RIMBP2: variants seen among roughly 807,000 people sequenced by gnomAD.
RIMBP2 encodes the protein RIMS-binding protein 2.
A neutral mutation model predicts 118.6 loss-of-function variants in RIMBP2; 48 were observed. The ratio of observed to expected loss-of-function variants is 0.40; its 90% CI spans 0.32 to 0.51. The LOEUF (loss-of-function observed/expected upper bound fraction) is 0.51, where lower values mean the gene tolerates loss of function less well. RIMBP2 is among the 20% of genes least tolerant of loss of function. The pLI, the probability that RIMBP2 is intolerant of heterozygous loss-of-function variation, is 0.41. For missense variants in RIMBP2, 1,551 were observed against 1,768.3 expected (o/e 0.88, Z 2.20); for synonymous variants, 762 against 742.9 (o/e 1.03, Z -0.42).
At position 130,523,691 on chromosome 12, in the gene RIMBP2, A is replaced by G. The variant is rs2052429024; in HGVS notation, c.-216-5774T>C. 6.6e-6 allele frequency among the ~76,000 whole-genome samples: 1 copy of G among 152,164 alleles called. No individual in the cohort carries two copies. The highest frequency in any genetic ancestry group is 2.1e-4 in the South Asian group (1 of 4,830). On this transcript the variant is annotated intron_variant, in intron 2 of 22. Transcript: ENST00000690449. This position sits in a 1 kb window ranked among gnomAD's most constrained non-coding sequence, Gnocchi z 4.4. ...TTTCAATAATCCCTCCACCACCACC[A>G]CTGAGTGTGTATGTGTCAGTACCGG...
intron 21 of RIMBP2, among the ~76,000 whole-genome samples, chr12:130,402,375 T>G (rs535144933): frequency 6.6e-6 from 1 of 152,246 alleles, no homozygotes; most frequent in Admixed American, 6.5e-5. Context: ...TCTGTCCCTC[T>G]GACTGGCAGT....
At chr12:130,404,351 G>A (rs1411277863) in intron 21 of RIMBP2, among the ~76,000 whole-genome samples, 2 of 152,274 alleles carry the variant, frequency 1.3e-5, no homozygotes, top group African/African-American at 2.4e-5. Flanking sequence ...AGGCTGGAGT[G>A]CAATGGCATG....
In RIMBP2 at chr12:130,467,462, A is replaced by T. The variant is rs185923357; in HGVS notation, c.153+3231T>A. ...GACAGCTTCGACCCCCTATGATTTC[A>T]TCTCCAACCCAGCCAATCAGCACTC... On this transcript the variant is annotated intron_variant, in intron 6 of 22. Transcript: ENST00000690449. Among the ~76,000 whole-genome samples the T allele has an allele frequency of 2.2e-4, 34 of 152,286 alleles. No individual in the cohort carries two copies. The East Asian group carries it at 5.8e-3, about 26-fold the overall frequency.
intron 1 of RIMBP2, among the ~76,000 whole-genome samples, chr12:130,702,162 A>T (rs2065884875): frequency 6.6e-6 from 1 of 152,054 alleles, no homozygotes; most frequent in South Asian, 2.1e-4. Context: ...CTCTAGCTGA[A>T]CCCTTAGCAA....
At chr12:130,412,167 A>G (rs980467385) in intron 19 of RIMBP2, among the ~76,000 whole-genome samples, 1 of 152,138 alleles carries the variant, frequency 6.6e-6, no homozygotes, top group Non-Finnish European at 1.5e-5. Flanking sequence ...AAGGAGTTTC[A>G]TGTCTACCCA....
chr12:130,535,732 T>TATATACACATATACATATACATAC (rs2053978497), intron 2 of RIMBP2, among the ~76,000 whole-genome samples: 1 of 19,486 alleles, frequency 5.1e-5, no homozygotes, highest in African/African-American at 8.4e-5. Context: ...TATATACATA[T>TATATACACATATACATATACATAC]ATATACATAT....
chr12:130,461,821 C>T (rs1291518145), intron 6 of RIMBP2, among the ~76,000 whole-genome samples: 1 of 152,180 alleles, frequency 6.6e-6, no homozygotes, highest in Non-Finnish European at 1.5e-5. Context: ...CAGAAGCCAG[C>T]ACACCCCCTG....
intron 3 of RIMBP2, among the ~76,000 whole-genome samples, chr12:130,516,296 A>C: frequency 6.6e-6 from 1 of 152,250 alleles, no homozygotes; most frequent in East Asian, 1.9e-4. Flanking sequence ...GCATGGGCAA[A>C]GCTGCAAAAT....
intron 1 of RIMBP2, among the ~76,000 whole-genome samples, chr12:130,712,591 C>T (rs906791507): frequency 3.3e-5 from 5 of 152,176 alleles, no homozygotes; most frequent in South Asian, 2.1e-4. Flanking sequence ...TCGGATCCCT[C>T]CTGAAGGACC....
chr12:130,503,245 T>A (rs1355710607), intron 4 of RIMBP2, among the ~76,000 whole-genome samples: 2 of 125,238 alleles, frequency 1.6e-5, no homozygotes, highest in Admixed American at 8.1e-5. Context: ...AAAAAAAAAA[T>A]ATTATCCGGG....
chr12:130,606,497 G>A (rs977809156), intron 2 of RIMBP2, among the ~76,000 whole-genome samples: 3 of 152,234 alleles, frequency 2.0e-5, no homozygotes, highest in African/African-American at 4.8e-5. Context: ...TCAGCGCTGT[G>A]GAGGCGGGGA....
chr12:130,585,800 C>T (rs1460277358), intron 2 of RIMBP2, among the ~76,000 whole-genome samples: 6 of 152,304 alleles, frequency 3.9e-5, no homozygotes, highest in Admixed American at 6.5e-5. Flanking sequence ...CACCACTCCC[C>T]GCTGCCCTGG....
In RIMBP2 at chr12:130,663,730, T is replaced by C. The variant is rs1282822265; in HGVS notation, c.-351-35274A>G. ...TAGGAGTCAGAACGGAACTTCCCGC[T>C]GGGTACTTTAACGAAGTTTTGGGTT... On this transcript the variant is annotated intron_variant, in intron 1 of 22. Coordinates refer to ENST00000690449, the MANE Select transcript of RIMBP2 (RefSeq NM_001393629.1). Among the ~76,000 whole-genome samples, 3 of 151,870 alleles carry C rather than the reference T, an allele frequency of 2.0e-5. No homozygotes were observed. In the South Asian group the frequency reaches 6.2e-4, roughly 31 times the overall value.
At chr12:130,613,528 C>G (rs2060694540) in intron 2 of RIMBP2, among the ~76,000 whole-genome samples, 2 of 152,216 alleles carry the variant, frequency 1.3e-5, no homozygotes, top group African/African-American at 4.8e-5. Context: ...GGTAAAGATT[C>G]AGTCTCGGCC....
chr12:130,667,148 GAGGAAGGGAGGGA>G (rs2063984221), intron 1 of RIMBP2: 2 of 58,522 alleles, frequency 3.4e-5, no homozygotes, highest in African/African-American at 6.5e-5. Context: ...GGAGGGAAGG[GAGGAAGGGAGGGA>G]AGAAGGGAGG....
At chr12:130,407,915 C>G in intron 19 of RIMBP2, 86 bp from the exon 20 acceptor site, 1 of 1,201,398 alleles carries the variant, frequency 8.3e-7, no homozygotes, top group Non-Finnish European at 1.2e-6. Flanking sequence ...TCACACATGG[C>G]CAATACAGCC....
intron 2 of RIMBP2, among the ~76,000 whole-genome samples, chr12:130,592,964 C>T (rs1174840146): frequency 1.3e-5 from 2 of 152,184 alleles, no homozygotes; most frequent in African/African-American, 4.8e-5. Flanking sequence ...AAACGTCAGA[C>T]CCACAAACCT....
At chr12:130,615,857 T>C (rs1461796007) in intron 2 of RIMBP2, among the ~76,000 whole-genome samples, 1 of 152,106 alleles carries the variant, frequency 6.6e-6, no homozygotes, top group Admixed American at 6.6e-5. Flanking sequence ...TGGCACCGGT[T>C]TCAAACGTCT....
intron 1 of RIMBP2, among the ~76,000 whole-genome samples, chr12:130,653,222 A>G (rs1192543598): frequency 6.6e-6 from 1 of 152,218 alleles, no homozygotes; most frequent in Non-Finnish European, 1.5e-5. Flanking sequence ...TGAGCCTGTA[A>G]AATCACGTCG....
Sources: gnomAD v4.1 joint callset for allele counts (sites outside exome capture counted in the v4.1 genomes callset) on GRCh38, gnomAD v4.1.1 for gene constraint, Gnocchi (gnomAD v3.1) non-coding constraint, MANE v1.5 for transcripts, NCBI Gene and HGNC (gene_info 2026-07-23, HGNC 2026-07-21) for gene names.